Variants in TESK2 observed in about 807,000 individuals in gnomAD.
TESK2 encodes the protein dual specificity testis-specific protein kinase 2.
TESK2 carries 39 observed loss-of-function variants against 57.1 expected under a neutral mutation model. The observed-to-expected ratio is 0.68, with a 90% CI of 0.53 to 0.89. The LOEUF (loss-of-function observed/expected upper bound fraction) is 0.89. Among genes scored for constraint, TESK2 ranks in the 40% least tolerant of loss-of-function variants. TESK2 has a pLI of 0.00. For synonymous variants in TESK2, 249 were observed against 267.9 expected, an observed-to-expected ratio of 0.93 and a Z score of 0.69; for missense variants, 646 against 732.1, an observed-to-expected ratio of 0.88 and a Z score of 1.36.
intron 3 of TESK2, among the ~76,000 whole-genome samples, chr1:45,420,228 A>T (rs1650414732): frequency 6.6e-6 from 1 of 151,954 alleles, no homozygotes; most frequent in African/African-American, 2.4e-5. Context: ...TTTAAGAAAA[A>T]TTTTTTTTAA....
intron 4 of TESK2, among the ~76,000 whole-genome samples, chr1:45,367,260 T>C (rs1402784320): frequency 2.0e-5 from 3 of 152,310 alleles, no homozygotes; most frequent in South Asian, 2.1e-4. Flanking sequence ...ATTAGTGTTA[T>C]ATTCAAAAAA....
At chr1:45,481,359 C>T (rs1053907645) in intron 1 of TESK2, among the ~76,000 whole-genome samples, 8 of 151,504 alleles carry the variant, frequency 5.3e-5, no homozygotes, top group Admixed American at 1.3e-4. Flanking sequence ...AGCAACACTC[C>T]GTCTCAAAAA....
intron 3 of TESK2, among the ~76,000 whole-genome samples, chr1:45,420,197 A>G (rs1650413454): frequency 6.6e-6 from 1 of 152,114 alleles, no homozygotes. Context: ...AGCCTGAACA[A>G]CACAGTGAGA....
intron 3 of TESK2, among the ~76,000 whole-genome samples, chr1:45,389,660 A>G (rs913114535): frequency 6.6e-6 from 1 of 152,240 alleles, no homozygotes; most frequent in Non-Finnish European, 1.5e-5. Context: ...CCCTTCCTCT[A>G]GAGCACAGGG....
rs1017073737 is a variant in TESK2 at position 45,386,068 on chromosome 1, G to A, written c.345-108C>T. ...GCATTAGAAACAACCTGTGGGGTGC[G>A]GCATGATGGCTTACATCTGTAATCC... On this transcript the variant is annotated intron_variant, in intron 3 of 10. Coordinates refer to ENST00000372086, the MANE Select transcript of TESK2 (RefSeq NM_007170.3). The A allele has an allele frequency of 3.6e-5, 25 of 703,008 alleles. No homozygotes were observed. In the East Asian group the frequency reaches 4.0e-4, roughly 11 times the overall value. 43.5% of individuals were successfully genotyped at this position (703,008 alleles called of 1,614,324 possible). A position where few individuals can be genotyped will look rare whatever the true frequency, so the allele number is the denominator to read the frequency against.
At chr1:45,458,220 TTA>T (rs1220651327) in intron 1 of TESK2, among the ~76,000 whole-genome samples, 1 of 152,144 alleles carries the variant, frequency 6.6e-6, no homozygotes, top group Admixed American at 6.6e-5. Flanking sequence ...GATATAAGGA[TTA>T]TTATGTTCAT....
chr1:45,357,566 A>G (rs1274033132), intron 4 of TESK2, among the ~76,000 whole-genome samples: 2 of 150,496 alleles, frequency 1.3e-5, no homozygotes, highest in African/African-American at 4.8e-5. Context: ...TAGTAAAAAA[A>G]AAAAAAAAGA....
intron 2 of TESK2, among the ~76,000 whole-genome samples, chr1:45,431,424 A>T (rs1195304547): frequency 6.6e-6 from 1 of 152,076 alleles, no homozygotes; most frequent in African/African-American, 2.4e-5. Flanking sequence ...TCTAAAAGAA[A>T]AAAAAAAAGA....
chr1:45,441,617 CTTTT>C (rs763476517), intron 2 of TESK2, among the ~76,000 whole-genome samples: 1 of 118,684 alleles, frequency 8.4e-6, no homozygotes. Flanking sequence ...CAAAATTATT[CTTTT>C]TTTTTTTTTT....
At chr1:45,405,072 T>C (rs1417825943) in intron 3 of TESK2, among the ~76,000 whole-genome samples, 1 of 152,152 alleles carries the variant, frequency 6.6e-6, no homozygotes, top group Non-Finnish European at 1.5e-5. Flanking sequence ...ATGTATATTA[T>C]CTAATTTAAT....
At chr1:45,402,030 T>C (rs1357988275) in intron 3 of TESK2, among the ~76,000 whole-genome samples, 1 of 151,532 alleles carries the variant, frequency 6.6e-6, no homozygotes, top group Admixed American at 6.6e-5. Flanking sequence ...TTGATACTTA[T>C]GTTTTCTAAA....
chr1:45,413,946 T>A (rs1650136154), intron 3 of TESK2: 1 of 412,658 alleles, frequency 2.4e-6, no homozygotes, highest in Non-Finnish European at 4.8e-6. Context: ...AACCAAAAAA[T>A]TTAAATCCTA....
At chr1:45,406,905 T>C (rs1649870552) in intron 3 of TESK2, among the ~76,000 whole-genome samples, 1 of 152,170 alleles carries the variant, frequency 6.6e-6, no homozygotes, top group African/African-American at 2.4e-5. Context: ...ATTTATTCTA[T>C]TTACCTTCAT....
chr1:45,369,603 G>A (rs527394620), intron 4 of TESK2, among the ~76,000 whole-genome samples: 3 of 152,328 alleles, frequency 2.0e-5, no homozygotes, highest in South Asian at 2.1e-4. Context: ...GATCAAATGA[G>A]TGGTGGCAGT....
chr1:45,475,382 T>C (rs917179784), intron 1 of TESK2, among the ~76,000 whole-genome samples: 7 of 152,052 alleles, frequency 4.6e-5, no homozygotes, highest in Admixed American at 1.3e-4. Flanking sequence ...AATTTTTGTA[T>C]TTTTAGTGGA....
At chr1:45,394,861 T>G (rs925572251) in intron 3 of TESK2, among the ~76,000 whole-genome samples, 2 of 151,662 alleles carry the variant, frequency 1.3e-5, no homozygotes, top group Non-Finnish European at 2.9e-5. Flanking sequence ...CTAATTTTTG[T>G]ATTTTTAGTA....
At chr1:45,357,722 G>A (rs1044044345) in intron 4 of TESK2, among the ~76,000 whole-genome samples, 1 of 151,448 alleles carries the variant, frequency 6.6e-6, no homozygotes, top group African/African-American at 2.4e-5. Flanking sequence ...TAGCTCCCAG[G>A]GGTGGGATCA....
intron 3 of TESK2, among the ~76,000 whole-genome samples, chr1:45,408,468 A>G (rs1649928086): frequency 6.6e-6 from 1 of 152,128 alleles, no homozygotes; most frequent in South Asian, 2.1e-4. Context: ...CTGGAAGCAC[A>G]TGTCCTTTGG....
intron 2 of TESK2, among the ~76,000 whole-genome samples, chr1:45,454,717 T>C (rs889624094): frequency 1.3e-5 from 2 of 152,098 alleles, no homozygotes; most frequent in African/African-American, 4.8e-5. Flanking sequence ...TGTATATCAA[T>C]ATCCATAGCA....
Sources: gnomAD v4.1 joint callset for allele counts (sites outside exome capture counted in the v4.1 genomes callset) on GRCh38, gnomAD v4.1.1 for gene constraint, MANE v1.5 for transcripts, NCBI Gene and HGNC (gene_info 2026-07-23, HGNC 2026-07-21) for gene names.